Variants in PREX1 observed in about 807,000 individuals in gnomAD.
The protein encoded by PREX1 is phosphatidylinositol 3,4,5-trisphosphate-dependent Rac exchanger 1 protein.
PREX1 carries 41 observed loss-of-function variants against 198.3 expected under a neutral mutation model. The observed-to-expected ratio is 0.21, with a 90% CI of 0.16 to 0.27. PREX1 has a LOEUF of 0.27. Ranked by LOEUF, PREX1 falls within the 10% of genes least tolerant of loss-of-function variation. The pLI, the probability that PREX1 is intolerant of heterozygous loss-of-function variation, is 1.00. For missense variants in PREX1, 1,620 were observed against 2,200.7 expected (o/e 0.74, Z 5.28); for synonymous variants, 843 against 887.2 (o/e 0.95, Z 0.89).
At chr20:48,629,806 T>A (rs1197217400) in intron 36 of PREX1, among the ~76,000 whole-genome samples, 185 bp from the exon 37 acceptor site, 1 of 152,122 alleles carries the variant, frequency 6.6e-6, no homozygotes, top group African/African-American at 2.4e-5. Context: ...AAGAACCCTC[T>A]GTGGCTCCCC....
chr20:48,835,285 CCT>C, the PREX1 span, among the ~76,000 whole-genome samples: 1 of 152,212 alleles, frequency 6.6e-6, no homozygotes, highest in Middle Eastern at 3.2e-3. Context: ...TTGAGAGAAA[CCT>C]CACCGTGAAT....
chr20:48,659,843 A>G (rs2294910), intron 16 of PREX1, 76 bp downstream of exon 16: 309,688 of 1,595,758 alleles, frequency 0.19, 31,108 homozygotes, highest in Middle Eastern at 0.27. Flanking sequence ...CCTGTGCATA[A>G]CCAGAAGGTC....
the PREX1 span, among the ~76,000 whole-genome samples, chr20:48,875,982 C>T: frequency 6.6e-6 from 1 of 152,132 alleles, no homozygotes; most frequent in Non-Finnish European, 1.5e-5. Context: ...TTATGCAGAG[C>T]CTCCGATGCC....
intron 1 of PREX1, among the ~76,000 whole-genome samples, chr20:48,749,312 C>T (rs2090123698): frequency 6.6e-6 from 1 of 152,198 alleles, no homozygotes; most frequent in Non-Finnish European, 1.5e-5. Context: ...CAGTCACCTG[C>T]CCTGCCAAGA....
chr20:48,688,830 G>T (rs376494953), intron 9 of PREX1, 26 bp from the exon 10 acceptor site: 2 of 1,613,538 alleles, frequency 1.2e-6, no homozygotes, highest in African/African-American at 2.7e-5. Flanking sequence ...GTCAGCACTG[G>T]AGAGAGCACC....
At chr20:48,795,692 A>G (rs1196099481) in intron 1 of PREX1, among the ~76,000 whole-genome samples, 2 of 152,186 alleles carry the variant, frequency 1.3e-5, no homozygotes, top group Non-Finnish European at 2.9e-5. Flanking sequence ...GCAAAATGGT[A>G]GGCAGAAGTC....
rs768474088 is a variant in PREX1 at position 48,639,811 on chromosome 20, T to C, written c.3859A>G (p.Asn1287Asp). 1 of 1,613,980 alleles carries C rather than the reference T, an allele frequency of 6.2e-7. No individual in the cohort carries two copies. Among genetic ancestry groups the C allele is most frequent in the African/African-American group, 1.3e-5 (1 of 74,896 alleles). ...TTGTCCACCAGGGTCTTGATGGAGT[T>C]GGGGAGGTTCCAGGGGTCCTCCTGG... ...SIQEDPWNLPNSIKTLVDNIQ... is the reference protein window; with the variant it reads ...SIQEDPWNLPDSIKTLVDNIQ... The change falls in exon 30 of 40, where the codon AAC becomes GAC. Residue 1287 changes from asparagine (N) to aspartate (D), a missense_variant. Physicochemically the swap from Asn to Asp is conservative, Grantham distance 23. Coordinates refer to ENST00000371941, the MANE Select transcript of PREX1 (RefSeq NM_020820.4).
At chr20:48,724,707 G>A (rs1244536412) in intron 5 of PREX1, among the ~76,000 whole-genome samples, 2 of 152,250 alleles carry the variant, frequency 1.3e-5, no homozygotes, top group South Asian at 2.1e-4. Flanking sequence ...AGAGGCCACA[G>A]TTTTGCCCAC....
At position 48,745,005 on chromosome 20, in the gene PREX1, G is replaced by A. The variant is rs1169471190; in HGVS notation, c.414+20C>T. On this transcript the variant is annotated intron_variant, in intron 3 of 39. Coordinates refer to ENST00000371941, the MANE Select transcript of PREX1 (RefSeq NM_020820.4). ...TTTTCAAAAACTAGAGTCCACCAGGGGCAGTGGCATGGTACTCACGAATTT... is the reference window on the plus strand; with the variant it reads ...TTTTCAAAAACTAGAGTCCACCAGGAGCAGTGGCATGGTACTCACGAATTT... 1.2e-6 allele frequency: 2 copies of A among 1,612,122 alleles called. No individual in the cohort carries two copies. Among genetic ancestry groups the A allele is most frequent in the Non-Finnish European group, 1.7e-6 (2 of 1,178,612 alleles).
In PREX1 at chr20:48,692,658, G is replaced by T. The variant is rs753628261; in HGVS notation, c.1036+14C>A. ...GCTCAGGCAGGGCTCAGGCAAGGCTGGGGGAGGGGCTACCTGTCCCATCTT... is the reference window on the plus strand; with the variant it reads ...GCTCAGGCAGGGCTCAGGCAAGGCTTGGGGAGGGGCTACCTGTCCCATCTT... On this transcript the variant is annotated intron_variant, in intron 8 of 39. Transcript: ENST00000371941. 6 of 1,603,876 alleles carry T rather than the reference G, an allele frequency of 3.7e-6. No homozygotes were observed. The African/African-American group carries it at 4.0e-5, about 11-fold the overall frequency.
At chr20:48,850,471 C>T in the PREX1 span, among the ~76,000 whole-genome samples, 24 of 152,236 alleles carry the variant, frequency 1.6e-4, no homozygotes, top group East Asian at 4.6e-3. Flanking sequence ...AACGCTGGGG[C>T]AGAAGCCAGC....
chr20:48,759,730 A>G (rs1601118851), intron 1 of PREX1, among the ~76,000 whole-genome samples: 1 of 152,204 alleles, frequency 6.6e-6, no homozygotes, highest in East Asian at 1.9e-4. Context: ...CAGGATTACA[A>G]TGAGAATTAC....
Position 48,644,397 on chromosome 20 carries a change from C to T in PREX1, c.3601+12G>A, listed in dbSNP as rs752990757. ...TCTCTCCCTGAGCACAGGCCGCTGC[C>T]ACTCCACTCACCAGACCCCATCTCG... is the stretch of plus-strand genomic sequence containing the variant. On this transcript the variant is annotated intron_variant, in intron 27 of 39. Coordinates refer to ENST00000371941, the MANE Select transcript of PREX1 (RefSeq NM_020820.4). The T allele has an allele frequency of 3.4e-5, 54 of 1,608,524 alleles. No homozygotes were observed. Among genetic ancestry groups the T allele is most frequent in the Non-Finnish European group, 4.5e-5 (53 of 1,175,672 alleles).
intron 39 of PREX1, among the ~76,000 whole-genome samples, chr20:48,626,809 G>A (rs565468003): frequency 1.7e-4 from 26 of 152,316 alleles, no homozygotes; most frequent in African/African-American, 6.3e-4. Context: ...CAACTTCTTG[G>A]GAGTCACATT....
At chr20:48,756,469 CT>C (rs11383728) in intron 1 of PREX1, among the ~76,000 whole-genome samples, 38 of 148,506 alleles carry the variant, frequency 2.6e-4, no homozygotes, top group Admixed American at 2.7e-4. Flanking sequence ...GAAGAGATAG[CT>C]TTTTTTTTTT....
intron 7 of PREX1, among the ~76,000 whole-genome samples, chr20:48,698,577 A>G (rs2089858997): frequency 6.6e-6 from 1 of 152,146 alleles, no homozygotes; most frequent in African/African-American, 2.4e-5. Flanking sequence ...TGAGATAGAC[A>G]GACCTCAAGG....
rs1419496683 is a variant in PREX1 at position 48,661,460 on chromosome 20, TATATATATACAC to T, written c.1739-1411_1739-1400del. 3.1e-4 allele frequency among the ~76,000 whole-genome samples: 33 copies of T among 106,296 alleles called. 1 individual carries two copies. The highest frequency in any genetic ancestry group is 1.6e-3 in the African/African-American group (32 of 20,150). The allele number at this position is 106,296 out of a possible 152,430, so 69.7% of individuals were successfully genotyped here. A position where few individuals can be genotyped will look rare whatever the true frequency, so the allele number is the denominator to read the frequency against. On this transcript the variant is annotated intron_variant, in intron 15 of 39. Coordinates refer to ENST00000371941, the MANE Select transcript of PREX1 (RefSeq NM_020820.4). Reference sequence around the variant, plus strand: ...AAAAAAAAAAATATATATATATATATATATATATACACACACATATATATAATATAATATATA... The same window carrying T: ...AAAAAAAAAAATATATATATATATATACACATATATATAATATAATATATA...
chr20:48,866,933 A>G, the PREX1 span, among the ~76,000 whole-genome samples: 1 of 152,190 alleles, frequency 6.6e-6, no homozygotes, highest in Non-Finnish European at 1.5e-5. Flanking sequence ...TATCTCAAAA[A>G]AAAAGAATCG....
the PREX1 span, among the ~76,000 whole-genome samples, chr20:48,882,525 A>AAAAAAG: frequency 9.7e-3 from 949 of 97,718 alleles, 84 homozygotes; most frequent in East Asian, 0.019. Context: ...AAAAAAAAAA[A>AAAAAAG]AGAGAGAATC....
Sources: gnomAD v4.1 joint callset for allele counts (sites outside exome capture counted in the v4.1 genomes callset) on GRCh38, gnomAD v4.1.1 for gene constraint, MANE v1.5 for transcripts, NCBI Gene and HGNC (gene_info 2026-07-23, HGNC 2026-07-21) for gene names.